EPB42: variants seen among roughly 807,000 people sequenced by gnomAD.
The protein encoded by EPB42 is erythrocyte membrane protein band 4.2.
Under a neutral mutation model 76.9 loss-of-function variants are expected in EPB42, and 49 were observed. That is an observed-to-expected ratio of 0.64 (90% confidence interval 0.51 to 0.81). The LOEUF (loss-of-function observed/expected upper bound fraction) is 0.81. Among genes scored for constraint, EPB42 ranks in the 30% least tolerant of loss-of-function variants. The probability of loss-of-function intolerance (pLI) is 0.00; values close to 1 mark genes in which losing one functional copy is unlikely to be tolerated. For synonymous variants in EPB42, 310 were observed against 338.4 expected (o/e 0.92, Z 0.92); for missense variants, 731 against 867.6 (o/e 0.84, Z 1.98).
intron 1 of EPB42, among the ~76,000 whole-genome samples, chr15:43,220,515 AC>A (rs971958898): frequency 5.9e-5 from 9 of 151,880 alleles, no homozygotes; most frequent in African/African-American, 2.2e-4. Flanking sequence ...TGACCAGTTT[AC>A]CCCAACATGC....
At chr15:43,223,267 G>A (rs1335257007), upstream of EPB42, among the ~76,000 whole-genome samples, 2 of 152,164 alleles carry the variant, frequency 1.3e-5, no homozygotes, top group African/African-American at 4.8e-5. Flanking sequence ...GCGGTGAGCT[G>A]AAACTGGGCC....
At chr15:43,221,090 G>C, upstream of EPB42, 1 of 492,774 alleles carries the variant, frequency 2.0e-6, no homozygotes, top group South Asian at 2.1e-5. Context: ...CTTGTGCCAG[G>C]AGGCCCAGGC....
intron 10 of EPB42, among the ~76,000 whole-genome samples, chr15:43,205,033 T>C (rs1444335656): frequency 2.2e-5 from 3 of 139,472 alleles, no homozygotes; most frequent in African/African-American, 7.9e-5. Context: ...ACTCTTCTTA[T>C]ATGACCCCTT....
upstream of EPB42, chr15:43,221,067 G>T: frequency 1.9e-6 from 1 of 521,814 alleles, no homozygotes; most frequent in Non-Finnish European, 3.5e-6. Flanking sequence ...GAGTAACCCT[G>T]TTCATTTTAT....
chr15:43,208,106 C>A lies in EPB42; in HGVS notation c.1075+124G>T. 9.9e-6 allele frequency: 8 copies of A among 807,026 alleles called. No homozygotes were observed. In the South Asian group the frequency reaches 1.2e-4, roughly 12 times the overall value. 50.0% of individuals were successfully genotyped at this position (807,026 alleles called of 1,614,324 possible). On this transcript the variant is annotated intron_variant, in intron 8 of 12. Transcript: ENST00000441366. ...AGCTTTCTGCTGGCTGCTGTCATGC[C>A]TCGTGCTTCTACTGTTTTCGAGGAT...
rs768954584 is a variant in EPB42 at position 43,209,318 on chromosome 15, A to G, written c.788T>C (p.Val263Ala). The G allele has an allele frequency of 4.2e-5, 67 of 1,613,970 alleles. 1 individual carries two copies. Among genetic ancestry groups the G allele is most frequent in the Non-Finnish European group, 5.5e-5 (65 of 1,180,022 alleles). Reference protein sequence around the residue: ...RQWLTGRGRPVYDGQAWVLAA... With the variant: ...RQWLTGRGRPAYDGQAWVLAA... ...CAACACCCAGGCCTGGCCATCATAC[A>G]CAGGTCGGCCTCGGCCGGTGAGCCA... Residue 263 changes from valine (V) to alanine (A), a missense_variant, in exon 6 of 13, where the codon GTG becomes GCG. Coordinates refer to ENST00000441366, the MANE Select transcript of EPB42 (RefSeq NM_001114134.2).
Position 43,216,872 on chromosome 15 carries a change from A to G in EPB42, c.11-419T>C, listed in dbSNP as rs140506864. ...CTTAGAGCACAATCAGATAATTTTT[A>G]GAGCTAGTTTTGAGATCACTGAGTC... is the stretch of plus-strand genomic sequence containing the variant. On this transcript the variant is annotated intron_variant, in intron 1 of 12. Coordinates refer to ENST00000441366, the MANE Select transcript of EPB42 (RefSeq NM_001114134.2). Among the ~76,000 whole-genome samples, 317 of 152,324 alleles carry G rather than the reference A, an allele frequency of 2.1e-3. 4 individuals are homozygous for G. The highest frequency in any genetic ancestry group is 0.011 in the South Asian group (51 of 4,828).
At chr15:43,209,805 GCTT>G (rs1380581189) in intron 5 of EPB42, among the ~76,000 whole-genome samples, 3 of 152,192 alleles carry the variant, frequency 2.0e-5, no homozygotes, top group Non-Finnish European at 4.4e-5. Context: ...CTTATCCCAA[GCTT>G]CTTTCAACTC....
chr15:43,197,435 A>G lies in EPB42; in HGVS notation c.1943T>C (p.Met648Thr), dbSNP rs112923134. The G allele has an allele frequency of 8.7e-6, 14 of 1,614,170 alleles. No homozygotes were observed. Among genetic ancestry groups the G allele is most frequent in the Middle Eastern group, 1.7e-4 (1 of 6,054 alleles). ...TGGCGTGAACTGGAACTTGGCACACATGGTGTTTTCAGGCCACACTGAACG... is the reference window on the plus strand; with the variant it reads ...TGGCGTGAACTGGAACTTGGCACACGTGGTGTTTTCAGGCCACACTGAACG... ...RFRSVWPENT[M>T]CAKFQFTPTH... The change falls in exon 13 of 13, where the codon ATG (methionine) becomes ACG (threonine). Residue 648 changes from methionine to threonine, a missense_variant. Physicochemically the swap from Met to Thr is moderately conservative, Grantham distance 81. Transcript: ENST00000441366.
intron 9 of EPB42, 71 bp downstream of exon 9, chr15:43,207,128 C>T (rs2042216314): frequency 6.2e-7 from 1 of 1,605,336 alleles, no homozygotes; most frequent in Admixed American, 1.7e-5. Flanking sequence ...GCTGCATCTA[C>T]CAGGCCCATC....
rs764634978 is a variant in EPB42, at chr15:43,203,134, C to T, written c.1760G>A (p.Arg587Lys). ...GCCTACCTTGATGGCAAGGTGTGGTCTACAAATGGCAATGTCTTCCTGAGC... is the reference window on the plus strand; with the variant it reads ...GCCTACCTTGATGGCAAGGTGTGGTTTACAAATGGCAATGTCTTCCTGAGC... ...CFAQEDIAIC[R>K]PHLAIKMPEK... The change falls in exon 11 of 13, where the codon AGA (arginine) becomes AAA (lysine). Residue 587 changes from arginine to lysine, a missense_variant. Arg to Lys is a conservative substitution (Grantham distance 26). Coordinates refer to ENST00000441366, the MANE Select transcript of EPB42 (RefSeq NM_001114134.2). 1.9e-6 allele frequency: 3 copies of T among 1,613,994 alleles called. No homozygotes were observed. Among genetic ancestry groups the T allele is most frequent in the Non-Finnish European group, 1.7e-6 (2 of 1,180,012 alleles).
Position 43,201,892 on chromosome 15 carries a change from A to T in EPB42, c.1865T>A (p.Val622Glu), listed in dbSNP as rs1199376035. ...NSLDAPMEDC[V>E]ISILGRGLIH... is the part of the protein sequence containing the mutation. ...GAGCCCCCTTCCCAGGATGGAGATC[A>T]CACAGTCCTCCATGGGGGCATCTAG... is the stretch of plus-strand genomic sequence containing the variant. The change falls in exon 12 of 13, where the codon GTG (valine) becomes GAG (glutamate). Residue 622 changes from valine to glutamate, a missense_variant. Val to Glu is a moderately radical substitution (Grantham distance 121). Transcript: ENST00000441366. 1 of 1,614,148 alleles carries T rather than the reference A, an allele frequency of 6.2e-7. No homozygotes were observed. Among genetic ancestry groups the T allele is most frequent in the East Asian group, 2.2e-5 (1 of 44,890 alleles).
At chr15:43,221,116 A>G, upstream of EPB42, 1 of 428,088 alleles carries the variant, frequency 2.3e-6, no homozygotes, top group Non-Finnish European at 4.4e-6. Flanking sequence ...TACGCCTGGC[A>G]GCCCTGGGGG....
chr15:43,220,603 C>T lies in EPB42; in HGVS notation c.10+213G>A. 4 of 943,704 alleles carry T rather than the reference C, an allele frequency of 4.2e-6. No individual in the cohort carries two copies. In the Admixed American group the frequency reaches 7.0e-5, roughly 17 times the overall value. The allele number at this position is 943,704 out of a possible 1,614,324, so 58.5% of individuals were successfully genotyped here. A position where few individuals can be genotyped will look rare whatever the true frequency, so the allele number is the denominator to read the frequency against. On this transcript the variant is annotated intron_variant, in intron 1 of 12. Coordinates refer to ENST00000441366, the MANE Select transcript of EPB42 (RefSeq NM_001114134.2). ...CACCAGCACCCATCATCACACCACG[C>T]TCCACAGCCAGCTCACTATCACCTC...
upstream of EPB42, among the ~76,000 whole-genome samples, chr15:43,222,270 A>G (rs187643501): frequency 6.6e-6 from 1 of 152,354 alleles, no homozygotes; most frequent in East Asian, 1.9e-4. Context: ...GCTGGCTAAT[A>G]CCAAAAGTAT....
chr15:43,215,023 T>C (rs1567281731), intron 3 of EPB42, 72 bp downstream of exon 3: 1 of 1,353,892 alleles, frequency 7.4e-7, no homozygotes, highest in Non-Finnish European at 1.0e-6. Flanking sequence ...AGGTGCTCCC[T>C]GCCAGAGCTG....
At chr15:43,222,089 G>A (rs2042468023), upstream of EPB42, among the ~76,000 whole-genome samples, 2 of 150,870 alleles carry the variant, frequency 1.3e-5, no homozygotes, top group African/African-American at 4.9e-5. Flanking sequence ...GTTGCAGTGA[G>A]CCAAGATCGT....
In EPB42 at chr15:43,201,921, G is replaced by A. The variant is rs995051040; in HGVS notation, c.1836C>T (p.Asn612=). 1 of 1,614,208 alleles carries A rather than the reference G, an allele frequency of 6.2e-7. No homozygotes were observed. Among genetic ancestry groups the A allele is most frequent in the Non-Finnish European group, 8.5e-7 (1 of 1,180,022 alleles). ...AGTCCTCCATGGGGGCATCTAGGGA[G>A]TTCTGGAGGCTGACTGAGGCTGTGA... ...QPLTASVSLQ[N]SLDAPMEDCV... Residue 612 remains asparagine, a synonymous_variant, in exon 12 of 13, where the codon AAC becomes AAT. Coordinates refer to ENST00000441366, the MANE Select transcript of EPB42 (RefSeq NM_001114134.2).
In EPB42 at chr15:43,197,347, G is replaced by A; in HGVS notation, c.2031C>T (p.Thr677=). ...EVDCNMFQNL[T]NYKSVTVVAP... ...CTACCACGGTGACGCTTTTATAGTT[G>A]GTTAGGTTCTGGAACATGTTGCAGT... Residue 677 remains threonine (T), a synonymous_variant, in exon 13 of 13, where the codon ACC becomes ACT. Coordinates refer to ENST00000441366, the MANE Select transcript of EPB42 (RefSeq NM_001114134.2). 2 of 1,614,138 alleles carry A rather than the reference G, an allele frequency of 1.2e-6. No individual in the cohort carries two copies. Among genetic ancestry groups the A allele is most frequent in the Non-Finnish European group, 1.7e-6 (2 of 1,180,024 alleles).
Sources: gnomAD v4.1 joint callset for allele counts (sites outside exome capture counted in the v4.1 genomes callset) on GRCh38, gnomAD v4.1.1 for gene constraint, MANE v1.5 for transcripts, NCBI Gene and HGNC (gene_info 2026-07-23, HGNC 2026-07-21) for gene names.